CMTM8: variants seen among roughly 807,000 people sequenced by gnomAD.
CMTM8 encodes CKLF-like MARVEL transmembrane domain-containing protein 8.
Under a neutral mutation model 18.6 loss-of-function variants are expected in CMTM8, and 12 were observed. The observed-to-expected ratio is 0.65, with a 90% CI of 0.41 to 1.05. CMTM8 has a LOEUF of 1.05. Among genes scored for constraint, CMTM8 ranks in the 50% least tolerant of loss-of-function variants. The pLI is 0.00. For synonymous variants in CMTM8, 87 were observed against 90.6 expected (o/e 0.96, Z 0.23); for missense variants, 217 against 227.2 (o/e 0.95, Z 0.29).
chr3:32,325,242 C>T (rs182473053), intron 1 of CMTM8, among the ~76,000 whole-genome samples: 5 of 152,300 alleles, frequency 3.3e-5, no homozygotes, highest in African/African-American at 9.6e-5. Context: ...TGACCATCCC[C>T]GGTGGGTCAT....
chr3:32,245,340 G>T (rs1018927352), intron 1 of CMTM8, among the ~76,000 whole-genome samples: 1 of 152,206 alleles, frequency 6.6e-6, no homozygotes, highest in Non-Finnish European at 1.5e-5. Flanking sequence ...GCTTGCTCTG[G>T]TTTTGGGGGT....
At chr3:32,277,628 G>A (rs1274650919) in intron 1 of CMTM8, among the ~76,000 whole-genome samples, 1 of 152,112 alleles carries the variant, frequency 6.6e-6, no homozygotes, top group Non-Finnish European at 1.5e-5. Context: ...TCTATTACCC[G>A]AAGTTATGTT....
At chr3:32,308,328 A>G (rs747155515) in intron 1 of CMTM8, among the ~76,000 whole-genome samples, 1 of 152,230 alleles carries the variant, frequency 6.6e-6, no homozygotes, top group Non-Finnish European at 1.5e-5. Flanking sequence ...ACAGAAAAAT[A>G]TATTGAGTTG....
At chr3:32,295,791 C>G (rs1403349244) in intron 1 of CMTM8, among the ~76,000 whole-genome samples, 2 of 152,128 alleles carry the variant, frequency 1.3e-5, no homozygotes, top group African/African-American at 4.8e-5. Context: ...CTTTCCTGGA[C>G]TGCAAGGCCC....
intron 1 of CMTM8, among the ~76,000 whole-genome samples, chr3:32,242,214 C>T (rs1701952864): frequency 6.6e-6 from 1 of 152,316 alleles, no homozygotes; most frequent in Non-Finnish European, 1.5e-5. Context: ...TTCAGAATAG[C>T]TTGATTCTAT....
chr3:32,270,413 A>T (rs1326018083), intron 1 of CMTM8, among the ~76,000 whole-genome samples: 1 of 152,222 alleles, frequency 6.6e-6, no homozygotes, highest in African/African-American at 2.4e-5. Flanking sequence ...ATAAAGACAC[A>T]TGCACACATA....
At chr3:32,248,556 G>T (rs1308720023) in intron 1 of CMTM8, among the ~76,000 whole-genome samples, 1 of 151,216 alleles carries the variant, frequency 6.6e-6, no homozygotes, top group Admixed American at 6.6e-5. Flanking sequence ...TAGAAACTGG[G>T]TTTCACCACA....
At chr3:32,325,394 C>T (rs1002793909) in intron 1 of CMTM8, among the ~76,000 whole-genome samples, 3 of 152,192 alleles carry the variant, frequency 2.0e-5, no homozygotes, top group Non-Finnish European at 2.9e-5. Flanking sequence ...GATAAAAGGC[C>T]ATGCTGAGCC....
chr3:32,366,554 G>A (rs114564257), intron 2 of CMTM8, among the ~76,000 whole-genome samples: 1,825 of 152,276 alleles, frequency 0.012, 38 homozygotes, highest in African/African-American at 0.042. Context: ...AAAGATGTTC[G>A]TTGCAGTAGC....
chr3:32,283,464 G>C (rs2125551278), intron 1 of CMTM8, among the ~76,000 whole-genome samples: 1 of 152,316 alleles, frequency 6.6e-6, no homozygotes, highest in Admixed American at 6.5e-5. Context: ...CATGTAATGT[G>C]ACCAGCACGT....
At chr3:32,258,227 AG>A (rs1195667824) in intron 1 of CMTM8, among the ~76,000 whole-genome samples, 1 of 152,024 alleles carries the variant, frequency 6.6e-6, no homozygotes, top group African/African-American at 2.4e-5. Context: ...TGCTTATCAT[AG>A]TTTGTTCTCA....
intron 1 of CMTM8, among the ~76,000 whole-genome samples, chr3:32,292,456 A>G (rs1433750541): frequency 6.6e-6 from 1 of 152,062 alleles, no homozygotes; most frequent in Non-Finnish European, 1.5e-5. Context: ...ATTAAATTCA[A>G]TTTTCAAATA....
intron 1 of CMTM8, among the ~76,000 whole-genome samples, chr3:32,240,752 T>A (rs946930968): frequency 6.6e-6 from 1 of 152,188 alleles, no homozygotes; most frequent in East Asian, 1.9e-4. Flanking sequence ...TACTATAGTT[T>A]TTATTTTTGA....
chr3:32,314,909 C>T (rs1023033947), intron 1 of CMTM8, among the ~76,000 whole-genome samples: 1 of 57,566 alleles, frequency 1.7e-5, no homozygotes, highest in Non-Finnish European at 3.4e-5. Context: ...TAGCCTTGTA[C>T]ACAGATCTTT....
Position 32,366,222 on chromosome 3 carries a change from C to T in CMTM8, c.322-1650C>T, listed in dbSNP as rs147627818. ...GGAGAATGCCCCTGCCTTCTACTCA[C>T]GTCTCTACCAACCCTCTTCCCCTTC... On this transcript the variant is annotated intron_variant, in intron 2 of 3. Coordinates refer to ENST00000307526, the MANE Select transcript of CMTM8 (RefSeq NM_178868.5). 2.3e-4 allele frequency among the ~76,000 whole-genome samples: 35 copies of T among 152,316 alleles called. No homozygotes were observed. The East Asian group carries it at 6.0e-3, about 26-fold the overall frequency.
At chr3:32,346,151 T>C (rs1239525716) in intron 1 of CMTM8, among the ~76,000 whole-genome samples, 1 of 151,952 alleles carries the variant, frequency 6.6e-6, no homozygotes, top group Non-Finnish European at 1.5e-5. Context: ...TGAAACTCCA[T>C]CTCAAAAAAA....
At chr3:32,361,286 G>GTTTGTTTGTTTTTTTTTT (rs140270969) in intron 2 of CMTM8, among the ~76,000 whole-genome samples, 1 of 87,230 alleles carries the variant, frequency 1.1e-5, no homozygotes, top group South Asian at 4.6e-4. Context: ...CAGCCTAAGA[G>GTTTGTTTGTTTTTTTTTT]TTTTTTTTTC....
chr3:32,275,561 A>G (rs1702504472), intron 1 of CMTM8, among the ~76,000 whole-genome samples: 2 of 151,166 alleles, frequency 1.3e-5, no homozygotes, highest in Admixed American at 6.6e-5. Flanking sequence ...TCCAAATGGC[A>G]TGGGGGCCGC....
chr3:32,293,377 C>G (rs1198647910), intron 1 of CMTM8, among the ~76,000 whole-genome samples: 1 of 152,054 alleles, frequency 6.6e-6, no homozygotes, highest in Non-Finnish European at 1.5e-5. Flanking sequence ...ATGGCGAAAC[C>G]CCATCTCTAC....
Sources: gnomAD v4.1 joint callset for allele counts (sites outside exome capture counted in the v4.1 genomes callset) on GRCh38, gnomAD v4.1.1 for gene constraint, MANE v1.5 for transcripts, NCBI Gene and HGNC (gene_info 2026-07-23, HGNC 2026-07-21) for gene names.